Variants in CDK14 observed in about 807,000 individuals in gnomAD.
CDK14 encodes cyclin-dependent kinase 14.
CDK14 carries 34 observed loss-of-function variants against 60.7 expected under a neutral mutation model. That is an observed-to-expected ratio of 0.56 (90% CI 0.43 to 0.75). The LOEUF (loss-of-function observed/expected upper bound fraction) is 0.75, where lower values mean the gene tolerates loss of function less well. Ranked by LOEUF, CDK14 falls within the 30% of genes least tolerant of loss-of-function variation. The pLI is 0.00. For missense variants in CDK14, 482 were observed against 564.1 expected (o/e 0.85, Z 1.47); for synonymous variants, 197 against 203.7 (o/e 0.97, Z 0.28).
chr7:90,758,433 C>T (rs1228768014), intron 4 of CDK14, among the ~76,000 whole-genome samples: 3 of 152,110 alleles, frequency 2.0e-5, no homozygotes, highest in East Asian at 1.9e-4. Flanking sequence ...AATTATGCAT[C>T]GTATAATACT....
intron 14 of CDK14, among the ~76,000 whole-genome samples, chr7:91,122,551 G>T (rs1169355144): frequency 6.6e-6 from 1 of 152,078 alleles, no homozygotes; most frequent in Non-Finnish European, 1.5e-5. Flanking sequence ...TCTGGAAACT[G>T]CTCCTAAAGA....
intron 10 of CDK14, among the ~76,000 whole-genome samples, chr7:90,988,997 TGTGA>T (rs796107472): frequency 3.2e-5 from 2 of 61,772 alleles, no homozygotes; most frequent in African/African-American, 5.5e-5. Context: ...TGTGTTTGTG[TGTGA>T]GTGTGTGTGT....
intron 14 of CDK14, among the ~76,000 whole-genome samples, chr7:91,144,582 G>A (rs1289838784): frequency 6.6e-6 from 1 of 152,130 alleles, no homozygotes; most frequent in Non-Finnish European, 1.5e-5. Context: ...GAGAAGCGAC[G>A]CAGATAACAG....
At chr7:90,905,687 T>C (rs1792674339) in intron 7 of CDK14, among the ~76,000 whole-genome samples, 1 of 152,194 alleles carries the variant, frequency 6.6e-6, no homozygotes, top group Non-Finnish European at 1.5e-5. Context: ...TTTTTGACTC[T>C]TTGTGCAATG....
At chr7:91,192,578 G>A (rs1313718517) in intron 14 of CDK14, among the ~76,000 whole-genome samples, 2 of 152,130 alleles carry the variant, frequency 1.3e-5, no homozygotes, top group East Asian at 1.9e-4. Flanking sequence ...CTTGGCTGAT[G>A]TTTTTACCTT....
intron 2 of CDK14, among the ~76,000 whole-genome samples, chr7:90,629,126 C>T (rs568691954): frequency 3.3e-5 from 5 of 152,032 alleles, no homozygotes; most frequent in African/African-American, 7.3e-5. Context: ...CCTCTTGCTA[C>T]TACGGCAATT....
chr7:91,174,096 G>A (rs1044193097), intron 14 of CDK14, among the ~76,000 whole-genome samples: 13 of 152,234 alleles, frequency 8.5e-5, no homozygotes, highest in South Asian at 2.1e-4. Flanking sequence ...CTCCCAGCAT[G>A]CAGCTGGAGA....
At chr7:90,931,426 A>G (rs1201551945) in intron 8 of CDK14, among the ~76,000 whole-genome samples, 1 of 152,214 alleles carries the variant, frequency 6.6e-6, no homozygotes, top group Admixed American at 6.5e-5. Context: ...ACATTAAAAA[A>G]CAAAAACAGA....
At chr7:90,743,724 AT>A (rs1373066076) in intron 3 of CDK14, among the ~76,000 whole-genome samples, 1 of 151,712 alleles carries the variant, frequency 6.6e-6, no homozygotes, top group African/African-American at 2.4e-5. Context: ...TTTAACATTC[AT>A]TTTTTATGGG....
chr7:91,122,394 A>G (rs1046534993), intron 14 of CDK14, among the ~76,000 whole-genome samples: 8 of 152,210 alleles, frequency 5.3e-5, no homozygotes, highest in Non-Finnish European at 1.2e-4. Context: ...TAAATGAGAT[A>G]AAGATTTTTT....
chr7:90,742,678 A>G (rs1437563405), intron 3 of CDK14, among the ~76,000 whole-genome samples: 2 of 152,002 alleles, frequency 1.3e-5, no homozygotes. Flanking sequence ...TTATATGCAT[A>G]TATTTAAATT....
intron 10 of CDK14, among the ~76,000 whole-genome samples, chr7:91,007,371 T>C (rs541541598): frequency 1.3e-5 from 2 of 152,328 alleles, no homozygotes; most frequent in Admixed American, 6.5e-5. Flanking sequence ...GACCAGACTT[T>C]CCTGGGACTT....
At chr7:90,640,934 G>T (rs1800312920) in intron 2 of CDK14, among the ~76,000 whole-genome samples, 1 of 152,036 alleles carries the variant, frequency 6.6e-6, no homozygotes, top group Non-Finnish European at 1.5e-5. Context: ...TCTTGGCAAA[G>T]GATCTGAACA....
At chr7:90,630,884 GTGTA>G (rs1163282308) in intron 2 of CDK14, among the ~76,000 whole-genome samples, 3 of 115,324 alleles carry the variant, frequency 2.6e-5, no homozygotes, top group Non-Finnish European at 5.8e-5. Flanking sequence ...ATCTTGGGGT[GTGTA>G]TGTGTGTGTG....
chr7:90,822,249 A>ATT (rs1259133249), intron 5 of CDK14, among the ~76,000 whole-genome samples: 20 of 152,224 alleles, frequency 1.3e-4, no homozygotes, highest in Non-Finnish European at 2.1e-4. Context: ...CGTCCAAAAT[A>ATT]TTAATACTGA....
chr7:90,688,349 G>A (rs1418354563), intron 2 of CDK14, among the ~76,000 whole-genome samples: 1 of 152,094 alleles, frequency 6.6e-6, no homozygotes, highest in East Asian at 1.9e-4. Context: ...AAATATAAAA[G>A]GAAAAAGCCC....
intron 3 of CDK14, 39 bp from the exon 4 acceptor site, chr7:90,747,642 G>T: frequency 1.7e-6 from 2 of 1,158,914 alleles, no homozygotes; most frequent in South Asian, 2.8e-5. Flanking sequence ...TAATTAATTT[G>T]ATACAATCTG....
chr7:91,163,138 G>T (rs1485210375), intron 14 of CDK14, among the ~76,000 whole-genome samples: 1 of 152,218 alleles, frequency 6.6e-6, no homozygotes, highest in African/African-American at 2.4e-5. Flanking sequence ...GTATTAGATT[G>T]TATTAAATGT....
At chr7:91,089,551 G>A (rs1247668613) in intron 12 of CDK14, among the ~76,000 whole-genome samples, 2 of 144,242 alleles carry the variant, frequency 1.4e-5, no homozygotes, top group African/African-American at 5.1e-5. Context: ...GGCCTGTAGA[G>A]GGCAGCATGC....
Sources: gnomAD v4.1 joint callset for allele counts (sites outside exome capture counted in the v4.1 genomes callset) on GRCh38, gnomAD v4.1.1 for gene constraint, MANE v1.5 for transcripts, NCBI Gene and HGNC (gene_info 2026-07-23, HGNC 2026-07-21) for gene names.